SPOCK1: variants seen among roughly 807,000 people sequenced by gnomAD.
SPOCK1 encodes the protein testican-1.
In SPOCK1, 23 loss-of-function variants were observed where a neutral mutation model predicts 55.3. The ratio of observed to expected loss-of-function variants is 0.42; its 90% CI spans 0.30 to 0.59. SPOCK1 has a LOEUF of 0.59. Among genes scored for constraint, SPOCK1 ranks in the 20% least tolerant of loss-of-function variants. SPOCK1 has a pLI of 0.22. For synonymous variants in SPOCK1, 226 were observed against 221.0 expected, an observed-to-expected ratio of 1.02 and a Z score of -0.20; for missense variants, 499 against 552.5, an observed-to-expected ratio of 0.90 and a Z score of 0.97.
chr5:137,315,652 A>G (rs1414904214), intron 2 of SPOCK1, among the ~76,000 whole-genome samples: 4 of 152,142 alleles, frequency 2.6e-5, no homozygotes, highest in Non-Finnish European at 5.9e-5. Flanking sequence ...TTTCATGATC[A>G]TTATTTGCCA....
intron 2 of SPOCK1, among the ~76,000 whole-genome samples, chr5:137,448,969 G>A (rs1753191348): frequency 6.6e-6 from 1 of 152,190 alleles, no homozygotes; most frequent in African/African-American, 2.4e-5. Flanking sequence ...TCAGTGGGGT[G>A]CCAGGGAAGT....
chr5:137,315,159 C>G (rs192509754), intron 2 of SPOCK1, among the ~76,000 whole-genome samples: 1 of 152,316 alleles, frequency 6.6e-6, no homozygotes, highest in Non-Finnish European at 1.5e-5. Flanking sequence ...GGAATAGTTT[C>G]ACTGTCTTAG....
intron 6 of SPOCK1, among the ~76,000 whole-genome samples, chr5:137,037,758 T>G (rs189505323): frequency 1.3e-5 from 2 of 152,274 alleles, no homozygotes; most frequent in Admixed American, 6.5e-5. Context: ...ATAACAGACC[T>G]AGAAATGAAG....
At chr5:137,287,171 A>C (rs1163344186) in intron 2 of SPOCK1, among the ~76,000 whole-genome samples, 1 of 152,226 alleles carries the variant, frequency 6.6e-6, no homozygotes, top group Non-Finnish European at 1.5e-5. Flanking sequence ...TTATGGGGAC[A>C]TACAAGTCCC....
At chr5:137,325,691 G>C (rs1002836015) in intron 2 of SPOCK1, among the ~76,000 whole-genome samples, 1 of 152,180 alleles carries the variant, frequency 6.6e-6, no homozygotes, top group Non-Finnish European at 1.5e-5. Context: ...TCTCATTTGT[G>C]GGGGAGATGG....
At chr5:137,382,357 G>C (rs1476059265) in intron 2 of SPOCK1, among the ~76,000 whole-genome samples, 2 of 152,158 alleles carry the variant, frequency 1.3e-5, no homozygotes, top group East Asian at 3.9e-4. Context: ...ACCTCTGCCT[G>C]TTACCCAGTT....
chr5:137,192,099 G>C (rs543301191), intron 3 of SPOCK1, among the ~76,000 whole-genome samples: 2 of 151,644 alleles, frequency 1.3e-5, no homozygotes, highest in Non-Finnish European at 2.9e-5. Context: ...TTAGCTGGGC[G>C]TGGCGGCGTG....
chr5:137,251,901 C>T (rs1756537689), intron 3 of SPOCK1, among the ~76,000 whole-genome samples: 1 of 152,074 alleles, frequency 6.6e-6, no homozygotes, highest in South Asian at 2.1e-4. Flanking sequence ...TAATTAGGAT[C>T]GTATTCGACA....
chr5:137,160,643 TATTTTATATAATATAC>T (rs1180832163), intron 3 of SPOCK1, among the ~76,000 whole-genome samples: 8 of 99,540 alleles, frequency 8.0e-5, no homozygotes, highest in Admixed American at 3.3e-4. Context: ...ATATAATATA[TATTTTATATAATATAC>T]AATATATAAT....
At chr5:137,104,192 T>A (rs1413262060) in intron 5 of SPOCK1, among the ~76,000 whole-genome samples, 2 of 152,172 alleles carry the variant, frequency 1.3e-5, no homozygotes, top group Non-Finnish European at 2.9e-5. Context: ...TTGGTGCCAT[T>A]TTCGTGATAA....
At chr5:137,054,835 C>A (rs182535490) in intron 6 of SPOCK1, among the ~76,000 whole-genome samples, 1 of 152,094 alleles carries the variant, frequency 6.6e-6, no homozygotes, top group Non-Finnish European at 1.5e-5. Flanking sequence ...ACCATACATT[C>A]GACAGATCCT....
At chr5:137,213,786 G>A (rs568013808) in intron 3 of SPOCK1, among the ~76,000 whole-genome samples, 1 of 152,314 alleles carries the variant, frequency 6.6e-6, no homozygotes, top group East Asian at 1.9e-4. Context: ...GGTTATTACT[G>A]TGATGATAAT....
At chr5:137,324,716 A>C (rs780902624) in intron 2 of SPOCK1, among the ~76,000 whole-genome samples, 11 of 152,184 alleles carry the variant, frequency 7.2e-5, no homozygotes, top group Non-Finnish European at 1.6e-4. Context: ...TATGCATATA[A>C]TAACACTGAA....
At chr5:137,420,237 G>T (rs543022396) in intron 2 of SPOCK1, among the ~76,000 whole-genome samples, 2 of 152,120 alleles carry the variant, frequency 1.3e-5, no homozygotes, top group African/African-American at 4.8e-5. Context: ...TGTTCATCAG[G>T]GATATTGGTC....
chr5:136,982,648 T>TACCACCTTTTTCTC (rs1750754209), intron 9 of SPOCK1, among the ~76,000 whole-genome samples: 1 of 152,220 alleles, frequency 6.6e-6, no homozygotes, highest in African/African-American at 2.4e-5. Context: ...AACACATTCT[T>TACCACCTTTTTCTC]ACCACCTTTT....
At chr5:137,093,239 G>A (rs1035696726) in intron 5 of SPOCK1, among the ~76,000 whole-genome samples, 1 of 152,044 alleles carries the variant, frequency 6.6e-6, no homozygotes, top group African/African-American at 2.4e-5. Context: ...TGCTCTCTTT[G>A]TCTCCCTGAG....
chr5:137,386,098 G>T (rs1751594674), intron 2 of SPOCK1, among the ~76,000 whole-genome samples: 1 of 152,072 alleles, frequency 6.6e-6, no homozygotes, highest in Non-Finnish European at 1.5e-5. Context: ...TGAACAAGTG[G>T]AATTTGAAAT....
intron 4 of SPOCK1, among the ~76,000 whole-genome samples, chr5:137,116,325 C>T (rs190291722): frequency 1.3e-5 from 2 of 152,240 alleles, no homozygotes; most frequent in African/African-American, 4.8e-5. Context: ...GGTGCAAATC[C>T]GATCATGTGA....
At chr5:137,479,602 A>G (rs1278550287) in intron 2 of SPOCK1, among the ~76,000 whole-genome samples, 3 of 152,134 alleles carry the variant, frequency 2.0e-5, no homozygotes, top group Non-Finnish European at 4.4e-5. Flanking sequence ...GATGCACTGA[A>G]TTGCTAATGC....
Sources: gnomAD v4.1 joint callset for allele counts (sites outside exome capture counted in the v4.1 genomes callset) on GRCh38, gnomAD v4.1.1 for gene constraint, MANE v1.5 for transcripts, NCBI Gene and HGNC (gene_info 2026-07-23, HGNC 2026-07-21) for gene names.